The following TNRC18 variants were observed in gnomAD, a reference collection of about 807,000 sequenced individuals.
TNRC18 encodes trinucleotide repeat-containing gene 18 protein.
A neutral mutation model predicts 226.7 loss-of-function variants in TNRC18; 69 were observed. The observed-to-expected ratio is 0.30, with a 90% CI of 0.25 to 0.37. The LOEUF is 0.37. Among genes scored for constraint, TNRC18 ranks in the 10% least tolerant of loss-of-function variants. The pLI is 1.00. For synonymous variants in TNRC18, 2,449 were observed against 1,927.6 expected (o/e 1.27, Z -7.09); for missense variants, 4,754 against 4,256.6 (o/e 1.12, Z -3.25).
intron 19 of TNRC18, among the ~76,000 whole-genome samples, chr7:5,330,323 G>A (rs866673052): frequency 3.9e-5 from 6 of 151,994 alleles, no homozygotes; most frequent in African/African-American, 9.7e-5. Flanking sequence ...TTCACCTCCT[G>A]GGCTCAAGCA....
At chr7:5,391,566 C>T (rs1780301722) in intron 3 of TNRC18, among the ~76,000 whole-genome samples, 1 of 152,070 alleles carries the variant, frequency 6.6e-6, no homozygotes, top group Non-Finnish European at 1.5e-5. Flanking sequence ...CCACCTCAGC[C>T]TCCCAAAGTG....
chr7:5,308,091 C>T lies in TNRC18; in HGVS notation c.*15G>A, dbSNP rs551361804. On this transcript the variant is annotated 3_prime_UTR_variant, in exon 30 of 30. Transcript: ENST00000430969. ...CCGCCCTCGGGGCACAGGTGGCCCG[C>T]AGGGCCCGGCGGGCTCAGCAGAGCA... 24 of 1,544,248 alleles carry T rather than the reference C, an allele frequency of 1.6e-5. No homozygotes were observed. Among genetic ancestry groups the T allele is most frequent in the Non-Finnish European group, 1.9e-5 (22 of 1,143,166 alleles).
At chr7:5,366,663 C>T (rs1050690210) in intron 11 of TNRC18, among the ~76,000 whole-genome samples, 6 of 152,088 alleles carry the variant, frequency 3.9e-5, no homozygotes, top group Admixed American at 6.6e-5. Flanking sequence ...GCCACAAAGC[C>T]GCAAACCTGA....
chr7:5,365,170 T>A (rs1486549894), intron 11 of TNRC18, among the ~76,000 whole-genome samples: 1 of 152,016 alleles, frequency 6.6e-6, no homozygotes, highest in East Asian at 1.9e-4. Flanking sequence ...CTGGCTGGAG[T>A]TCACCATCAC....
chr7:5,381,962 T>C (rs1779426932), intron 5 of TNRC18, among the ~76,000 whole-genome samples: 1 of 152,052 alleles, frequency 6.6e-6, no homozygotes, highest in South Asian at 2.1e-4. Flanking sequence ...TGAGACTCCA[T>C]CTCATAAATA....
intron 21 of TNRC18, among the ~76,000 whole-genome samples, chr7:5,323,132 G>A (rs1024500226): frequency 2.0e-5 from 3 of 152,156 alleles, no homozygotes; most frequent in Non-Finnish European, 2.9e-5. Flanking sequence ...GCACACAGGC[G>A]GCGGCTGGTT....
Position 5,325,161 on chromosome 7 carries a change from C to T in TNRC18, c.6235G>A (p.Ala2079Thr), listed in dbSNP as rs779182104. ...CTTTTGGCAGCGGTCAGGGAGCTGG[C>T]GTGAGGAGCCCTGGCCTCAGAGGGC... ...ALPSEARAPH[A>T]SSLTAAKRSK... The change falls in exon 20 of 30, where the codon GCC (alanine) becomes ACC (threonine). Residue 2079 changes from alanine to threonine, a missense_variant. Transcript: ENST00000430969. 7.9e-5 allele frequency: 123 copies of T among 1,552,298 alleles called. No homozygotes were observed. The highest frequency in any genetic ancestry group is 9.7e-5 in the Non-Finnish European group (111 of 1,148,088).
intron 11 of TNRC18, among the ~76,000 whole-genome samples, chr7:5,368,123 C>A (rs1583939493): frequency 6.6e-6 from 1 of 151,944 alleles, no homozygotes; most frequent in East Asian, 1.9e-4. Flanking sequence ...CATCAAGGGC[C>A]AGGGCCACCA....
intron 2 of TNRC18, among the ~76,000 whole-genome samples, chr7:5,404,070 T>C (rs1048470515): frequency 1.3e-5 from 2 of 152,210 alleles, no homozygotes; most frequent in African/African-American, 2.4e-5. Context: ...ATTCTCAGAA[T>C]GCCATAAGAA....
rs1390643239 is a variant in TNRC18, at chr7:5,312,842, A to T, written c.8049T>A (p.Asp2683Glu). The T allele has an allele frequency of 6.6e-7, 1 of 1,525,880 alleles. No individual in the cohort carries two copies. The highest frequency in any genetic ancestry group is 2.3e-5 in the East Asian group (1 of 42,966). The allele number at this position is 1,525,880 out of a possible 1,614,324, so 94.5% of individuals were successfully genotyped here. A position where few individuals can be genotyped will look rare whatever the true frequency, so the allele number is the denominator to read the frequency against. ...TDEDSSCSSDDEAAPAPTAGP... is the reference protein window; with the variant it reads ...TDEDSSCSSDEEAAPAPTAGP... ...CAGCCGTGGGGGCGGGGGCTGCCTC[A>T]TCGTCCGAGCTGCAGGAAGAGTCCT... The change falls in exon 27 of 30, where the codon GAT becomes GAA. Residue 2683 changes from aspartate to glutamate, a missense_variant. By Grantham distance (45) the Asp-to-Glu change is conservative. Coordinates refer to ENST00000430969, the MANE Select transcript of TNRC18 (RefSeq NM_001080495.3). The surrounding 1 kb of genome is among the most constrained non-coding windows in gnomAD (Gnocchi z 6.3).
At chr7:5,422,886 T>C (rs77636374) in intron 1 of TNRC18, 5 of 151,940 alleles carry the variant, frequency 3.3e-5, no homozygotes, top group East Asian at 3.9e-4. Context: ...CTTCCCGTGA[T>C]TTTTTTTTGT....
chr7:5,378,184 G>T (rs958225852), intron 5 of TNRC18, among the ~76,000 whole-genome samples, 160 bp from the exon 6 acceptor site: 5 of 151,926 alleles, frequency 3.3e-5, no homozygotes, highest in Non-Finnish European at 4.4e-5. Flanking sequence ...TCCTTATGAC[G>T]CATCAAGCTC....
At chr7:5,338,789 G>A (rs774935341) in intron 18 of TNRC18, among the ~76,000 whole-genome samples, 2 of 151,300 alleles carry the variant, frequency 1.3e-5, no homozygotes, top group Admixed American at 1.3e-4. Context: ...GCATGGAGGC[G>A]CATGCCTGCA....
chr7:5,338,904 G>C (rs950541822), intron 18 of TNRC18, among the ~76,000 whole-genome samples: 2 of 134,260 alleles, frequency 1.5e-5, no homozygotes, highest in African/African-American at 5.7e-5. Flanking sequence ...TGGGCAATGA[G>C]AGCGAAACTC....
chr7:5,412,682 TGA>T (rs1393890558), intron 2 of TNRC18, among the ~76,000 whole-genome samples: 1 of 152,116 alleles, frequency 6.6e-6, no homozygotes, highest in Non-Finnish European at 1.5e-5. Flanking sequence ...ATGAAAAAAT[TGA>T]GGTTTAGAAA....
At chr7:5,331,630 G>A (rs2128126239) in intron 19 of TNRC18, among the ~76,000 whole-genome samples, 1 of 152,300 alleles carries the variant, frequency 6.6e-6, no homozygotes, top group Admixed American at 6.5e-5. Flanking sequence ...TGCTTCAGAA[G>A]TACAGCACTA....
intron 18 of TNRC18, among the ~76,000 whole-genome samples, chr7:5,339,894 G>GA (rs879517699): frequency 1.9e-3 from 270 of 142,360 alleles, no homozygotes; most frequent in African/African-American, 3.8e-3. Context: ...TAGCGAGGAA[G>GA]AAAAAAAAAA....
chr7:5,355,146 C>T (rs557269629), intron 16 of TNRC18, among the ~76,000 whole-genome samples: 26 of 152,352 alleles, frequency 1.7e-4, no homozygotes, highest in Admixed American at 1.2e-3. Context: ...TAGCCACAAA[C>T]TTAGCACCTG....
intron 19 of TNRC18, chr7:5,329,917 C>T (rs2128124725): frequency 2.1e-6 from 1 of 471,014 alleles, no homozygotes; most frequent in African/African-American, 2.0e-5. Flanking sequence ...TTATATCCAG[C>T]TATAATACCA....
Sources: allele counts gnomAD v4.1 joint callset (sites outside exome capture counted in the v4.1 genomes callset), GRCh38; gene constraint gnomAD v4.1.1; non-coding constraint Gnocchi (gnomAD v3.1); transcripts MANE v1.5; gene names NCBI Gene and HGNC (gene_info 2026-07-23, HGNC 2026-07-21).